CDK14: variants seen among roughly 807,000 people sequenced by gnomAD.
The protein encoded by CDK14 is cyclin dependent kinase 14, also known as cyclin-dependent kinase 14.
CDK14 carries 34 observed loss-of-function variants against 60.7 expected under a neutral mutation model. That is an observed-to-expected ratio of 0.56 (90% CI 0.43 to 0.75). The LOEUF (loss-of-function observed/expected upper bound fraction) is 0.75, where lower values mean the gene tolerates loss of function less well. Among genes scored for constraint, CDK14 ranks in the 30% least tolerant of loss-of-function variants. The pLI is 0.00. For missense variants in CDK14, 482 were observed against 564.1 expected, an observed-to-expected ratio of 0.85 and a Z score of 1.47; for synonymous variants, 197 against 203.7, an observed-to-expected ratio of 0.97 and a Z score of 0.28.
At chr7:90,669,998 GTTTTTCTGTAAA>G (rs1801065070) in intron 2 of CDK14, among the ~76,000 whole-genome samples, 1 of 152,116 alleles carries the variant, frequency 6.6e-6, no homozygotes, top group Non-Finnish European at 1.5e-5. Context: ...CATTTACTTT[GTTTTTCTGTAAA>G]CAACAAAACT....
intron 2 of CDK14, among the ~76,000 whole-genome samples, chr7:90,699,052 G>A (rs370963579): frequency 1.3e-5 from 2 of 152,206 alleles, no homozygotes; most frequent in African/African-American, 4.8e-5. Flanking sequence ...GGCCTGTAGG[G>A]TAGCTCCCTA....
chr7:90,734,597 G>A (rs575917467), intron 3 of CDK14, among the ~76,000 whole-genome samples: 23 of 151,824 alleles, frequency 1.5e-4, no homozygotes, highest in Non-Finnish European at 2.9e-4. Context: ...CCCCTTGATC[G>A]ATTCAGCTAT....
At chr7:90,839,656 A>AT (rs1218495203) in intron 5 of CDK14, among the ~76,000 whole-genome samples, 2 of 152,104 alleles carry the variant, frequency 1.3e-5, no homozygotes, top group African/African-American at 2.4e-5. Context: ...TTTTCTGGTT[A>AT]TTTTTCACAC....
intron 9 of CDK14, among the ~76,000 whole-genome samples, chr7:90,966,213 CCTT>C (rs1354478023): frequency 2.0e-5 from 3 of 151,954 alleles, no homozygotes; most frequent in African/African-American, 7.3e-5. Context: ...ATCTTACAAA[CCTT>C]CTATTTAAAA....
At chr7:90,703,927 A>C (rs1801842143) in intron 2 of CDK14, among the ~76,000 whole-genome samples, 1 of 152,166 alleles carries the variant, frequency 6.6e-6, no homozygotes, top group Non-Finnish European at 1.5e-5. Context: ...CTCTACAAAA[A>C]ATACAAAAAT....
At chr7:91,110,234 C>A (rs1799433044) in intron 12 of CDK14, among the ~76,000 whole-genome samples, 1 of 152,034 alleles carries the variant, frequency 6.6e-6, no homozygotes, top group African/African-American at 2.4e-5. Flanking sequence ...TTTTATATAA[C>A]AAATATGTAT....
chr7:91,193,214 C>T (rs937014213), intron 14 of CDK14, among the ~76,000 whole-genome samples: 1 of 152,124 alleles, frequency 6.6e-6, no homozygotes, highest in Non-Finnish European at 1.5e-5. Flanking sequence ...ATTCTGACAT[C>T]GTAATCCTGA....
chr7:90,608,516 CCT>C (rs1563014336), intron 2 of CDK14: 1 of 980,742 alleles, frequency 1.0e-6, no homozygotes, highest in Non-Finnish European at 1.2e-6. Flanking sequence ...CTGCTTTATC[CCT>C]CTGTTTTTTA....
At chr7:90,699,939 G>A (rs529390041) in intron 2 of CDK14, among the ~76,000 whole-genome samples, 1 of 152,270 alleles carries the variant, frequency 6.6e-6, no homozygotes, top group South Asian at 2.1e-4. Flanking sequence ...CCTTTGTATT[G>A]TGATAAGTAA....
chr7:91,106,192 AAAG>A (rs1799290360), intron 12 of CDK14, among the ~76,000 whole-genome samples: 1 of 152,240 alleles, frequency 6.6e-6, no homozygotes, highest in African/African-American at 2.4e-5. Context: ...GGTTAAATAA[AAAG>A]AAGACCTAAC....
intron 8 of CDK14, among the ~76,000 whole-genome samples, chr7:90,929,839 C>T (rs968129462): frequency 5.3e-5 from 8 of 152,188 alleles, no homozygotes; most frequent in Non-Finnish European, 1.0e-4. Flanking sequence ...TGCATAATTA[C>T]ACCTTAGTGT....
At chr7:90,923,434 GT>G (rs1793315359) in intron 8 of CDK14, among the ~76,000 whole-genome samples, 1 of 152,050 alleles carries the variant, frequency 6.6e-6, no homozygotes, top group Admixed American at 6.5e-5. Context: ...AACTCATATA[GT>G]TTTTTTAAGC....
At chr7:90,953,273 C>A (rs1794315570) in intron 8 of CDK14, among the ~76,000 whole-genome samples, 1 of 152,124 alleles carries the variant, frequency 6.6e-6, no homozygotes, top group African/African-American at 2.4e-5. Flanking sequence ...TAATAACATT[C>A]TTCACTCTGA....
chr7:90,970,931 T>G (rs1252284333), intron 9 of CDK14, among the ~76,000 whole-genome samples: 4 of 152,166 alleles, frequency 2.6e-5, no homozygotes, highest in Non-Finnish European at 4.4e-5. Flanking sequence ...TATTCCCTCA[T>G]TTTTTATTAT....
intron 6 of CDK14, among the ~76,000 whole-genome samples, chr7:90,864,858 A>G (rs1174459957): frequency 6.6e-6 from 1 of 152,126 alleles, no homozygotes; most frequent in African/African-American, 2.4e-5. Flanking sequence ...TCTTATGGAG[A>G]CATCCCATGT....
chr7:90,998,868 G>A (rs1335733329), intron 10 of CDK14, among the ~76,000 whole-genome samples: 2 of 151,812 alleles, frequency 1.3e-5, no homozygotes, highest in Admixed American at 6.6e-5. Context: ...CAGCCTGGGC[G>A]ACAGAGTGAG....
At chr7:90,983,552 C>T (rs1278511446) in intron 9 of CDK14, among the ~76,000 whole-genome samples, 1 of 151,858 alleles carries the variant, frequency 6.6e-6, no homozygotes, top group Non-Finnish European at 1.5e-5. Flanking sequence ...TGGTGGCAGG[C>T]ACCTGTAGTC....
chr7:91,095,646 T>G (rs575928101), intron 12 of CDK14, among the ~76,000 whole-genome samples: 140 of 152,212 alleles, frequency 9.2e-4, no homozygotes, highest in African/African-American at 3.3e-3. Context: ...CAGTGGAATA[T>G]TACACAACAA....
At chr7:90,656,088 C>T (rs1320859570) in intron 2 of CDK14, among the ~76,000 whole-genome samples, 1 of 152,138 alleles carries the variant, frequency 6.6e-6, no homozygotes, top group Non-Finnish European at 1.5e-5. Flanking sequence ...GGCATAATTA[C>T]CTGTGTATTC....
Sources: allele counts gnomAD v4.1 joint callset (sites outside exome capture counted in the v4.1 genomes callset), GRCh38; gene constraint gnomAD v4.1.1; transcripts MANE v1.5; gene names NCBI Gene and HGNC (gene_info 2026-07-23, HGNC 2026-07-21).